BIRC6: variants seen among roughly 807,000 people sequenced by gnomAD.
BIRC6 encodes the protein baculoviral IAP repeat containing 6.
BIRC6 carries 98 observed loss-of-function variants against 503.3 expected under a neutral mutation model. The ratio of observed to expected loss-of-function variants is 0.19; its 90% confidence interval spans 0.17 to 0.23. The LOEUF is 0.23. Among genes scored for constraint, BIRC6 ranks in the 10% least tolerant of loss-of-function variants. The pLI, the probability that BIRC6 is intolerant of heterozygous loss-of-function variation, is 1.00. For missense variants in BIRC6, 5,360 were observed against 5,806.0 expected (o/e 0.92, Z 2.50); for synonymous variants, 2,240 against 2,078.7 (o/e 1.08, Z -2.11).
intron 73 of BIRC6, among the ~76,000 whole-genome samples, chr2:32,615,915 G>GAGCCATTGCACCTC (rs2063201193): frequency 6.6e-6 from 1 of 152,172 alleles, no homozygotes. Context: ...TTACAGGCGT[G>GAGCCATTGCACCTC]AGGCATCAGA....
chr2:32,421,331 TCTTGACCTCGTGATCTGCCCGC>T (rs2042937549), intron 10 of BIRC6, among the ~76,000 whole-genome samples: 1 of 152,016 alleles, frequency 6.6e-6, no homozygotes, highest in Non-Finnish European at 1.5e-5. Flanking sequence ...GATACTGATC[TCTTGACCTCGTGATCTGCCCGC>T]CTTGACCTCC....
rs759488710 is a variant in BIRC6 at position 32,520,803 on chromosome 2, C to T, written c.11623+1857C>T. Among the ~76,000 whole-genome samples the T allele has an allele frequency of 1.2e-4, 18 of 152,128 alleles. 1 individual carries two copies. Among genetic ancestry groups the T allele is most frequent in the East Asian group, 7.7e-4 (4 of 5,178 alleles). On this transcript the variant is annotated intron_variant, in intron 57 of 73. Coordinates refer to ENST00000421745, the MANE Select transcript of BIRC6 (RefSeq NM_016252.4). ...CTGCACTCCAGCCTGGACGACAGAG[C>T]GAGACTCTCTCAAAACACATACAAA...
At chr2:32,428,591 T>C (rs2147900781) in intron 10 of BIRC6, among the ~76,000 whole-genome samples, 1 of 152,364 alleles carries the variant, frequency 6.6e-6, no homozygotes, top group Non-Finnish European at 1.5e-5. Context: ...ATCTCCAAAT[T>C]AGAATGTTAG....
Position 32,392,021 on chromosome 2 carries a change from A to G in BIRC6, c.840-18A>G. The stretch of plus-strand genomic sequence containing the variant: ...TTTGATGCCTAACTTCAATTACATA[A>G]AGTATGTTTACTTTTAGATCACTGA... On this transcript the variant is annotated intron_variant, in intron 4 of 73. Coordinates refer to ENST00000421745, the MANE Select transcript of BIRC6 (RefSeq NM_016252.4). 1 of 1,461,536 alleles carries G rather than the reference A, an allele frequency of 6.8e-7. No homozygotes were observed. The highest frequency in any genetic ancestry group is 9.3e-7 in the Non-Finnish European group (1 of 1,072,942). The allele number at this position is 1,461,536 out of a possible 1,614,324, so 90.5% of individuals were successfully genotyped here. A position where few individuals can be genotyped will look rare whatever the true frequency, so the allele number is the denominator to read the frequency against.
At chr2:32,395,165 A>G (rs752938578) in intron 5 of BIRC6, among the ~76,000 whole-genome samples, 1 of 152,138 alleles carries the variant, frequency 6.6e-6, no homozygotes, top group African/African-American at 2.4e-5. Flanking sequence ...AAACAGCAAC[A>G]ACGACAACAA....
intron 57 of BIRC6, among the ~76,000 whole-genome samples, chr2:32,524,505 A>G (rs920414812): frequency 2.6e-5 from 4 of 152,190 alleles, no homozygotes; most frequent in African/African-American, 9.7e-5. Flanking sequence ...CTTCATTTTG[A>G]AAATAACATT....
intron 8 of BIRC6, among the ~76,000 whole-genome samples, chr2:32,404,273 C>T (rs977660592): frequency 6.6e-6 from 1 of 151,896 alleles, no homozygotes; most frequent in Non-Finnish European, 1.5e-5. Flanking sequence ...AATTTTCAAA[C>T]CATACAATTC....
intron 61 of BIRC6, among the ~76,000 whole-genome samples, chr2:32,537,820 G>A (rs556936238): frequency 2.0e-5 from 3 of 152,046 alleles, no homozygotes; most frequent in Admixed American, 1.3e-4. Flanking sequence ...CAAAAAATTA[G>A]CCGGGCGGGG....
intron 40 of BIRC6, among the ~76,000 whole-genome samples, chr2:32,487,058 C>T (rs1480223983): frequency 1.3e-5 from 2 of 151,822 alleles, no homozygotes; most frequent in East Asian, 1.9e-4. Context: ...TTGGTGTCTC[C>T]TCTTTATCTT....
chr2:32,377,554 A>G, intron 1 of BIRC6, 34 bp from the exon 2 acceptor site: 3 of 1,541,110 alleles, frequency 1.9e-6, no homozygotes, highest in Non-Finnish European at 1.8e-6. Flanking sequence ...TTGGCCTGAA[A>G]ATCTTAAGTG....
intron 19 of BIRC6, 125 bp downstream of exon 19, chr2:32,442,580 G>C: frequency 8.7e-7 from 1 of 1,147,970 alleles, no homozygotes; most frequent in Non-Finnish European, 1.2e-6. Flanking sequence ...AATTTCAAAA[G>C]TTGATGAAGA....
rs147703050 is a variant in BIRC6 at position 32,491,546 on chromosome 2, A to T, written c.8328A>T (p.Gln2776His). 17 of 1,613,246 alleles carry T rather than the reference A, an allele frequency of 1.1e-5. No homozygotes were observed. Among genetic ancestry groups the T allele is most frequent in the Non-Finnish European group, 1.4e-5 (17 of 1,179,596 alleles). Residue 2776 changes from glutamine to histidine, a missense_variant, in exon 44 of 74, where the codon CAA becomes CAT. Around this residue, in one of 16 missense-constraint regions of BIRC6, gnomAD observed 2,299 missense variants for 2,267.2 expected, o/e 1.01. Transcript: ENST00000421745. ...LSGTSPHGTN[Q>H]HSPQVGPTAT... is the part of the protein sequence containing the mutation. ...GCACCAGTCCACATGGAACAAATCA[A>T]CACAGTCCACAGGTAATATGATGTT...
chr2:32,480,121 C>T (rs2050215513), intron 37 of BIRC6, among the ~76,000 whole-genome samples: 1 of 152,102 alleles, frequency 6.6e-6, no homozygotes, highest in African/African-American at 2.4e-5. Flanking sequence ...TTTGTCATTC[C>T]TTAATCTTAT....
chr2:32,470,713 G>T (rs1005616850), intron 31 of BIRC6, among the ~76,000 whole-genome samples: 2 of 152,080 alleles, frequency 1.3e-5, no homozygotes, highest in Non-Finnish European at 2.9e-5. Flanking sequence ...TTCAGTTCCT[G>T]TGAATCTAAG....
intron 8 of BIRC6, among the ~76,000 whole-genome samples, chr2:32,402,639 A>G (rs76427095): frequency 1.3e-5 from 2 of 152,184 alleles, no homozygotes; most frequent in African/African-American, 4.8e-5. Context: ...TGGTTGTTCT[A>G]TTAATATAAA....
chr2:32,598,126 A>G (rs1039990297), intron 69 of BIRC6, among the ~76,000 whole-genome samples, 158 bp downstream of exon 69: 14 of 91,002 alleles, frequency 1.5e-4, no homozygotes, highest in Non-Finnish European at 2.5e-4. Context: ...GAGCCTCCCC[A>G]CCCCTCCCCC....
intron 69 of BIRC6, among the ~76,000 whole-genome samples, chr2:32,599,171 A>G (rs2061879246): frequency 1.3e-5 from 2 of 151,924 alleles, no homozygotes; most frequent in African/African-American, 4.8e-5. Context: ...TCTACTAAAA[A>G]TACAAAAATT....
intron 12 of BIRC6, among the ~76,000 whole-genome samples, chr2:32,431,665 T>C (rs2044137606): frequency 6.6e-6 from 1 of 152,242 alleles, no homozygotes; most frequent in Non-Finnish European, 1.5e-5. Context: ...TAGGATAAAA[T>C]AATGAGAGTA....
chr2:32,440,251 C>G (rs2045261823), intron 16 of BIRC6, among the ~76,000 whole-genome samples: 1 of 152,134 alleles, frequency 6.6e-6, no homozygotes, highest in Non-Finnish European at 1.5e-5. Flanking sequence ...GCAGATATTT[C>G]CCTTTATAAT....
Sources: gnomAD v4.1 joint callset for allele counts (sites outside exome capture counted in the v4.1 genomes callset) on GRCh38, gnomAD v4.1.1 for gene constraint, gnomAD v4.1.1 regional missense constraint, MANE v1.5 for transcripts, NCBI Gene and HGNC (gene_info 2026-07-23, HGNC 2026-07-21) for gene names.